The following STAG1 variants were observed in gnomAD, a reference collection of about 807,000 sequenced individuals.
The protein encoded by STAG1 is cohesin subunit SA-1.
In STAG1, 26 loss-of-function variants were observed where a neutral mutation model predicts 170.9. That is an observed-to-expected ratio of 0.15 (90% confidence interval 0.11 to 0.21). The LOEUF (loss-of-function observed/expected upper bound fraction) is 0.21, where lower values mean the gene tolerates loss of function less well. STAG1 is among the 10% of genes least tolerant of loss of function. The pLI, the probability that STAG1 is intolerant of heterozygous loss-of-function variation, is 1.00. For missense variants in STAG1, 964 were observed against 1,509.5 expected (o/e 0.64, Z 5.99); for synonymous variants, 514 against 497.7 (o/e 1.03, Z -0.44).
chr3:136,369,385 CCAT>C (rs1937204364), intron 23 of STAG1, 103 bp from the exon 24 acceptor site: 18 of 805,890 alleles, frequency 2.2e-5, no homozygotes, highest in Non-Finnish European at 3.2e-5. Context: ...AATAGCAGTA[CCAT>C]AATATAAATT....
chr3:136,613,025 G>A lies in STAG1; in HGVS notation c.133-8552C>T, dbSNP rs1020612453. On this transcript the variant is annotated intron_variant, in intron 3 of 33. Coordinates refer to ENST00000383202, the MANE Select transcript of STAG1 (RefSeq NM_005862.3). Reference sequence around the variant, plus strand: ...AGCAAGAAATGAGAGTTTCTGGGCCGGGCGCAGTGGCTCACACCTGTAATC... The same window carrying A: ...AGCAAGAAATGAGAGTTTCTGGGCCAGGCGCAGTGGCTCACACCTGTAATC... 4.6e-5 allele frequency among the ~76,000 whole-genome samples: 7 copies of A among 152,132 alleles called. No individual in the cohort carries two copies. In the East Asian group the frequency reaches 9.7e-4, roughly 21 times the overall value.
intron 4 of STAG1, among the ~76,000 whole-genome samples, chr3:136,595,644 T>G (rs1157201432): frequency 6.6e-6 from 1 of 150,674 alleles, no homozygotes; most frequent in Non-Finnish European, 1.5e-5. Context: ...ACCACTGCAC[T>G]CCAGCCTGGG....
chr3:136,717,654 A>C (rs570814833), intron 1 of STAG1, among the ~76,000 whole-genome samples: 1 of 152,306 alleles, frequency 6.6e-6, no homozygotes, highest in African/African-American at 2.4e-5. Context: ...ACAAGAGTGA[A>C]ACTCTGTCTC....
intron 9 of STAG1, among the ~76,000 whole-genome samples, chr3:136,497,309 C>T (rs1352923487): frequency 6.6e-6 from 1 of 152,152 alleles, no homozygotes; most frequent in East Asian, 1.9e-4. Context: ...ATTTATCCCT[C>T]TTGAACATAG....
chr3:136,698,337 G>A (rs907879338), intron 1 of STAG1, among the ~76,000 whole-genome samples: 3 of 151,996 alleles, frequency 2.0e-5, no homozygotes, highest in African/African-American at 7.3e-5. Context: ...GTGGGCAAAA[G>A]ACATGAAGAG....
At chr3:136,434,447 T>A (rs2088396627) in intron 15 of STAG1, among the ~76,000 whole-genome samples, 1 of 152,216 alleles carries the variant, frequency 6.6e-6, no homozygotes, top group Non-Finnish European at 1.5e-5. Context: ...ATTAGTTAAG[T>A]GGAATATATT....
At chr3:136,367,785 A>G (rs1225291040) in intron 24 of STAG1, among the ~76,000 whole-genome samples, 1 of 152,182 alleles carries the variant, frequency 6.6e-6, no homozygotes, top group Non-Finnish European at 1.5e-5. Context: ...TGTTATGCAC[A>G]TATAAAAAAT....
intron 8 of STAG1, among the ~76,000 whole-genome samples, chr3:136,502,328 C>T (rs1396439084): frequency 6.6e-6 from 1 of 152,028 alleles, no homozygotes; most frequent in Admixed American, 6.6e-5. Flanking sequence ...TGCTGGCTCA[C>T]GGTTCTGACT....
intron 1 of STAG1, among the ~76,000 whole-genome samples, chr3:136,645,897 C>T (rs191754727): frequency 5.1e-4 from 77 of 152,312 alleles, no homozygotes; most frequent in African/African-American, 1.8e-3. Flanking sequence ...CTTATTTCTG[C>T]CCTGCCCTAC....
intron 22 of STAG1, among the ~76,000 whole-genome samples, chr3:136,378,541 G>A (rs1342466051): frequency 1.3e-5 from 2 of 152,182 alleles, no homozygotes; most frequent in Non-Finnish European, 2.9e-5. Flanking sequence ...GGTGGAGCAT[G>A]CCTGTAGTCC....
At chr3:136,431,309 G>A (rs1344013211) in intron 16 of STAG1, among the ~76,000 whole-genome samples, 1 of 151,728 alleles carries the variant, frequency 6.6e-6, no homozygotes, top group African/African-American at 2.4e-5. Flanking sequence ...GTCTCACTCT[G>A]TTGCCCAGGC....
chr3:136,498,245 T>C (rs1467178475), intron 9 of STAG1, among the ~76,000 whole-genome samples: 12 of 68,242 alleles, frequency 1.8e-4, no homozygotes, highest in African/African-American at 6.0e-4. Context: ...CACATACATA[T>C]ACATACACAC....
Position 136,343,935 on chromosome 3 carries a change from G to T in STAG1, c.3343C>A (p.Pro1115Thr). ...MIQTPGPLPA[P>T]QLTSTVLREN... is the part of the protein sequence containing the mutation. The stretch of plus-strand genomic sequence containing the variant: ...CGCAGTACAGTGGATGTGAGTTGTG[G>T]TGCTGGCAGGGGGCCAGGAGTCTGA... Residue 1115 changes from proline to threonine, a missense_variant, in exon 30 of 34, where the codon CCA becomes ACA. Physicochemically the swap from Pro to Thr is conservative, Grantham distance 38. Coordinates refer to ENST00000383202, the MANE Select transcript of STAG1 (RefSeq NM_005862.3). 1.9e-6 allele frequency: 3 copies of T among 1,612,470 alleles called. No homozygotes were observed. Among genetic ancestry groups the T allele is most frequent in the Non-Finnish European group, 2.5e-6 (3 of 1,179,314 alleles).
chr3:136,470,643 C>T (rs1398608833), intron 12 of STAG1, among the ~76,000 whole-genome samples: 2 of 152,140 alleles, frequency 1.3e-5, no homozygotes, highest in Non-Finnish European at 2.9e-5. Context: ...TGGGTATATA[C>T]CCAAAGGATT....
chr3:136,523,100 G>A (rs1445187307), intron 6 of STAG1, among the ~76,000 whole-genome samples: 1 of 152,138 alleles, frequency 6.6e-6, no homozygotes, highest in East Asian at 1.9e-4. Context: ...GGGATGGCTG[G>A]CTCAAATGAT....
intron 7 of STAG1, among the ~76,000 whole-genome samples, chr3:136,516,387 G>T (rs1934379018): frequency 6.6e-6 from 1 of 151,826 alleles, no homozygotes; most frequent in African/African-American, 2.4e-5. Flanking sequence ...ATGCACCTGT[G>T]GTCCCAGCTA....
intron 6 of STAG1, among the ~76,000 whole-genome samples, chr3:136,529,668 T>C (rs1935268071): frequency 6.6e-6 from 1 of 152,168 alleles, no homozygotes; most frequent in Admixed American, 6.5e-5. Flanking sequence ...TAAAACTGGA[T>C]GTGAATGAAC....
chr3:136,363,206 A>C (rs562975847), intron 26 of STAG1, among the ~76,000 whole-genome samples, 160 bp downstream of exon 26: 2 of 152,260 alleles, frequency 1.3e-5, no homozygotes, highest in African/African-American at 4.8e-5. Context: ...AAGACACCTA[A>C]CCTATGTCTT....
At chr3:136,723,846 C>A (rs1933479680) in intron 1 of STAG1, among the ~76,000 whole-genome samples, 1 of 147,278 alleles carries the variant, frequency 6.8e-6, no homozygotes, top group Non-Finnish European at 1.5e-5. Flanking sequence ...GGGTCAGCCC[C>A]CCGCCCGGCC....
Sources: gnomAD v4.1 joint callset for allele counts (sites outside exome capture counted in the v4.1 genomes callset) on GRCh38, gnomAD v4.1.1 for gene constraint, MANE v1.5 for transcripts, NCBI Gene and HGNC (gene_info 2026-07-23, HGNC 2026-07-21) for gene names.